The following SNX29 variants were observed in gnomAD, a reference collection of about 807,000 sequenced individuals.
The protein encoded by SNX29 is sorting nexin 29, also known as sorting nexin-29.
In SNX29, 78 loss-of-function variants were observed where a neutral mutation model predicts 102.1. The ratio of observed to expected loss-of-function variants is 0.76; its 90% CI spans 0.64 to 0.92. The LOEUF (loss-of-function observed/expected upper bound fraction) is 0.92. Ranked by LOEUF, SNX29 falls within the 40% of genes least tolerant of loss-of-function variation. SNX29 has a pLI of 0.00. For synonymous variants in SNX29, 580 were observed against 414.5 expected, an observed-to-expected ratio of 1.40 and a Z score of -4.85; for missense variants, 1,280 against 1,061.7, an observed-to-expected ratio of 1.21 and a Z score of -2.86.
rs371062538 is a variant in SNX29, at chr16:12,524,859, G to A, written c.2318+18G>A. The A allele has an allele frequency of 6.9e-6, 11 of 1,602,898 alleles. No homozygotes were observed. The highest frequency in any genetic ancestry group is 2.2e-5 in the South Asian group (2 of 89,862). On this transcript the variant is annotated intron_variant, in intron 20 of 20. Coordinates refer to ENST00000566228, the MANE Select transcript of SNX29 (RefSeq NM_032167.5). ...TTCTTCGTGTAAGTACTGCTCCCAC[G>A]GACATGGGCCGCCAGCCCTGCCAGC... is the stretch of plus-strand genomic sequence containing the variant.
intron 18 of SNX29, among the ~76,000 whole-genome samples, chr16:12,464,459 G>A (rs2151767272): frequency 6.6e-6 from 1 of 152,056 alleles, no homozygotes; most frequent in East Asian, 1.9e-4. Context: ...TTATTTTTCA[G>A]TTAGTTAATT....
chr16:12,012,721 A>G (rs2056695062), intron 3 of SNX29, among the ~76,000 whole-genome samples: 1 of 151,940 alleles, frequency 6.6e-6, no homozygotes, highest in Admixed American at 6.6e-5. Context: ...ATTATTTCTT[A>G]AACTTAGGCC....
Position 12,272,242 on chromosome 16 carries a change from G to A in SNX29, c.1679-5691G>A, listed in dbSNP as rs185639766. Among the ~76,000 whole-genome samples, 26 of 151,812 alleles carry A rather than the reference G, an allele frequency of 1.7e-4. No individual in the cohort carries two copies. In the East Asian group the frequency reaches 4.8e-3, roughly 28 times the overall value. On this transcript the variant is annotated intron_variant, in intron 14 of 20. Coordinates refer to ENST00000566228, the MANE Select transcript of SNX29 (RefSeq NM_032167.5). ...CTAGAGGGGCTGGTGCCTTGGGGAC[G>A]GGGCTAGTGCCTTGGGGACAGGAGG...
At chr16:12,119,869 C>G (rs545539164) in intron 11 of SNX29, among the ~76,000 whole-genome samples, 24 of 152,324 alleles carry the variant, frequency 1.6e-4, no homozygotes, top group African/African-American at 5.8e-4. Context: ...TTCTCAGAAA[C>G]CTTGTGAGAA....
chr16:12,553,913 C>T (rs571902959), intron 20 of SNX29, among the ~76,000 whole-genome samples: 12 of 152,082 alleles, frequency 7.9e-5, no homozygotes, highest in Non-Finnish European at 1.0e-4. Flanking sequence ...GCATGATCTC[C>T]GCCTCCTGGG....
chr16:12,174,007 T>A (rs1040104719), intron 13 of SNX29, among the ~76,000 whole-genome samples: 1 of 152,244 alleles, frequency 6.6e-6, no homozygotes, highest in Non-Finnish European at 1.5e-5. Context: ...TTCGAAATCT[T>A]GACCTTAAGT....
chr16:12,555,997 G>T (rs567480446), intron 20 of SNX29, among the ~76,000 whole-genome samples: 1 of 149,372 alleles, frequency 6.7e-6, no homozygotes, highest in African/African-American at 2.5e-5. Flanking sequence ...TGTTTTTTTT[G>T]TTCACTTGTC....
chr16:12,269,863 A>G (rs1015605477), intron 14 of SNX29, among the ~76,000 whole-genome samples: 2 of 31,442 alleles, frequency 6.4e-5, no homozygotes, highest in Admixed American at 2.9e-4. Flanking sequence ...CATCATCATT[A>G]TTATTATTAT....
intron 15 of SNX29, among the ~76,000 whole-genome samples, chr16:12,315,577 G>T (rs2080705343): frequency 6.6e-6 from 1 of 152,164 alleles, no homozygotes; most frequent in Non-Finnish European, 1.5e-5. Context: ...CTGTGTGCGT[G>T]CAGAGATGAG....
intron 18 of SNX29, among the ~76,000 whole-genome samples, chr16:12,433,784 A>T (rs2085415692): frequency 6.6e-6 from 1 of 152,186 alleles, no homozygotes; most frequent in Non-Finnish European, 1.5e-5. Flanking sequence ...AGATTGTGCC[A>T]CTGCACTCCA....
chr16:12,441,642 T>C (rs2085812591), intron 18 of SNX29, among the ~76,000 whole-genome samples: 2 of 152,238 alleles, frequency 1.3e-5, no homozygotes, highest in South Asian at 2.1e-4. Context: ...GTCCAATTTA[T>C]CTGTTTTTTC....
At chr16:12,489,951 A>G (rs1018070438) in intron 19 of SNX29, among the ~76,000 whole-genome samples, 2 of 152,080 alleles carry the variant, frequency 1.3e-5, no homozygotes, top group African/African-American at 2.4e-5. Flanking sequence ...GACTATAGGC[A>G]TGCACCACCA....
intron 4 of SNX29, among the ~76,000 whole-genome samples, chr16:12,036,465 G>T (rs2057477448): frequency 6.6e-6 from 1 of 151,446 alleles, no homozygotes; most frequent in Non-Finnish European, 1.5e-5. Flanking sequence ...CTCCCAAGTA[G>T]CTGGGACTAC....
At chr16:11,987,138 C>T (rs2055661189) in intron 1 of SNX29, among the ~76,000 whole-genome samples, 1 of 149,536 alleles carries the variant, frequency 6.7e-6, no homozygotes, top group Non-Finnish European at 1.5e-5. Context: ...AGTCATAGCT[C>T]ACTGCAGCCT....
At chr16:12,288,969 G>T (rs1157501082) in intron 15 of SNX29, among the ~76,000 whole-genome samples, 1 of 152,180 alleles carries the variant, frequency 6.6e-6, no homozygotes, top group Non-Finnish European at 1.5e-5. Context: ...ACAGGAATCA[G>T]GCCTGCCTTG....
intron 18 of SNX29, among the ~76,000 whole-genome samples, chr16:12,458,431 G>T (rs773770489): frequency 3.3e-5 from 5 of 152,196 alleles, no homozygotes; most frequent in Non-Finnish European, 7.3e-5. Context: ...TGCAGACACT[G>T]AGTGGTCTTG....
intron 13 of SNX29, among the ~76,000 whole-genome samples, chr16:12,183,757 G>A (rs1240304487): frequency 1.3e-5 from 2 of 152,146 alleles, no homozygotes; most frequent in South Asian, 2.1e-4. Context: ...ATAGGAGGTC[G>A]GCACAAGATA....
chr16:12,222,955 C>G (rs113724898), intron 14 of SNX29, among the ~76,000 whole-genome samples: 1 of 152,188 alleles, frequency 6.6e-6, no homozygotes, highest in Non-Finnish European at 1.5e-5. Flanking sequence ...AGTGGCTAAA[C>G]TGAGGCTCAA....
intron 15 of SNX29, among the ~76,000 whole-genome samples, chr16:12,288,729 T>C (rs919631492): frequency 8.0e-5 from 12 of 149,978 alleles, no homozygotes; most frequent in Non-Finnish European, 1.6e-4. Flanking sequence ...TTAGTGCAAA[T>C]TGAGGGGCTA....
Sources: allele counts gnomAD v4.1 joint callset (sites outside exome capture counted in the v4.1 genomes callset), GRCh38; gene constraint gnomAD v4.1.1; transcripts MANE v1.5; gene names NCBI Gene and HGNC (gene_info 2026-07-23, HGNC 2026-07-21).